PRKG1: variants seen among roughly 807,000 people sequenced by gnomAD.
PRKG1 encodes cGMP-dependent protein kinase 1.
Under a neutral mutation model 88.1 loss-of-function variants are expected in PRKG1, and 35 were observed. The observed-to-expected ratio is 0.40, with a 90% CI of 0.30 to 0.53. The LOEUF (loss-of-function observed/expected upper bound fraction) is 0.53. Ranked by LOEUF, PRKG1 falls within the 20% of genes least tolerant of loss-of-function variation. The pLI is 0.59. For missense variants in PRKG1, 540 were observed against 839.8 expected, an observed-to-expected ratio of 0.64 and a Z score of 4.41; for synonymous variants, 303 against 292.5, an observed-to-expected ratio of 1.04 and a Z score of -0.37.
chr10:52,131,141 G>T (rs1837244323), intron 7 of PRKG1, among the ~76,000 whole-genome samples: 1 of 152,010 alleles, frequency 6.6e-6, no homozygotes. Flanking sequence ...CCTACCCCAG[G>T]GTTCAGAAGT....
intron 3 of PRKG1, among the ~76,000 whole-genome samples, chr10:51,656,542 T>C (rs1397831141): frequency 6.6e-6 from 1 of 152,130 alleles, no homozygotes; most frequent in African/African-American, 2.4e-5. Context: ...TACCCTAAAC[T>C]GATTCTTTCA....
intron 2 of PRKG1, among the ~76,000 whole-genome samples, chr10:51,205,139 T>TC (rs1564637511): frequency 5.5e-5 from 6 of 108,538 alleles, no homozygotes; most frequent in Non-Finnish European, 1.1e-4. Context: ...TTTTTTTTTT[T>TC]TTTTTTTTTT....
At chr10:52,078,359 G>C (rs1045481119) in intron 7 of PRKG1, among the ~76,000 whole-genome samples, 1 of 152,242 alleles carries the variant, frequency 6.6e-6, no homozygotes, top group African/African-American at 2.4e-5. Flanking sequence ...ATGGGGGAAA[G>C]ATAAATGTAT....
intron 3 of PRKG1, among the ~76,000 whole-genome samples, chr10:51,677,500 G>T (rs2132360668): frequency 6.6e-6 from 1 of 152,300 alleles, no homozygotes; most frequent in African/African-American, 2.4e-5. Flanking sequence ...TTGTTTTAAA[G>T]AAGTTATAAT....
intron 2 of PRKG1, among the ~76,000 whole-genome samples, chr10:51,457,636 T>C (rs886484754): frequency 6.6e-6 from 1 of 152,210 alleles, no homozygotes; most frequent in Non-Finnish European, 1.5e-5. Flanking sequence ...GACAGACTTC[T>C]TTCACTTAGC....
intron 2 of PRKG1, among the ~76,000 whole-genome samples, chr10:51,266,977 C>T (rs943459354): frequency 1.3e-5 from 2 of 152,044 alleles, no homozygotes; most frequent in Non-Finnish European, 2.9e-5. Context: ...TTCTTAGGAG[C>T]GACATTTAAA....
intron 2 of PRKG1, among the ~76,000 whole-genome samples, chr10:51,398,987 C>G (rs1352935541): frequency 6.6e-6 from 1 of 152,198 alleles, no homozygotes; most frequent in Non-Finnish European, 1.5e-5. Context: ...GCCTTGGATT[C>G]AGACTGCAAC....
At chr10:52,078,656 AG>A (rs1174561979) in intron 7 of PRKG1, among the ~76,000 whole-genome samples, 1 of 152,232 alleles carries the variant, frequency 6.6e-6, no homozygotes, top group African/African-American at 2.4e-5. Flanking sequence ...TCTTATTCAA[AG>A]GAAGACTGGA....
chr10:51,261,184 G>A (rs899117238), intron 2 of PRKG1, among the ~76,000 whole-genome samples: 2 of 152,144 alleles, frequency 1.3e-5, no homozygotes, highest in Non-Finnish European at 2.9e-5. Flanking sequence ...CCGATCCAAA[G>A]TTTTAGTATT....
chr10:51,351,100 A>G (rs911004565), intron 2 of PRKG1, among the ~76,000 whole-genome samples: 2 of 152,118 alleles, frequency 1.3e-5, no homozygotes, highest in African/African-American at 4.8e-5. Context: ...CATGCCTTTT[A>G]TGGCTGCATA....
intron 9 of PRKG1, among the ~76,000 whole-genome samples, chr10:52,241,107 T>C (rs996596728): frequency 6.6e-6 from 1 of 152,142 alleles, no homozygotes. Flanking sequence ...ATTTCAAACA[T>C]CCAAGACGTA....
chr10:51,899,144 G>A (rs10823846), intron 4 of PRKG1, among the ~76,000 whole-genome samples: 75,413 of 151,748 alleles, frequency 0.5, 18,952 homozygotes, highest in East Asian at 0.63. Context: ...TAGGTATTCC[G>A]TGTTTTACAT....
intron 1 of PRKG1, among the ~76,000 whole-genome samples, chr10:51,118,001 G>T (rs893480432): frequency 6.6e-6 from 1 of 152,130 alleles, no homozygotes; most frequent in African/African-American, 2.4e-5. Context: ...ATCACTAGGG[G>T]GTTTTCACTA....
In PRKG1 at chr10:51,579,938, G is replaced by A. The variant is rs149159161; in HGVS notation, c.592+112102G>A. ...GTCTTTCACTGGGAATTGGGATCTG[G>A]CAGTTACATTTTAATATATGTTTTC... On this transcript the variant is annotated intron_variant, in intron 3 of 17. Coordinates refer to ENST00000373980, the MANE Select transcript of PRKG1 (RefSeq NM_006258.4). Among the ~76,000 whole-genome samples the A allele has an allele frequency of 3.9e-3, 593 of 152,108 alleles. 3 individuals carry two copies. The highest frequency in any genetic ancestry group is 0.013 in the African/African-American group (547 of 41,516).
At chr10:51,438,850 T>A (rs938319647) in intron 2 of PRKG1, among the ~76,000 whole-genome samples, 2 of 151,898 alleles carry the variant, frequency 1.3e-5, no homozygotes, top group African/African-American at 4.8e-5. Flanking sequence ...ATTATACATG[T>A]GGAGCTGCAA....
At chr10:51,336,306 T>C (rs2132539169) in intron 2 of PRKG1, among the ~76,000 whole-genome samples, 1 of 152,218 alleles carries the variant, frequency 6.6e-6, no homozygotes, top group South Asian at 2.1e-4. Flanking sequence ...TGAGTCGACA[T>C]CATGCCTCCG....
chr10:51,827,061 T>A (rs769126167), intron 4 of PRKG1, among the ~76,000 whole-genome samples: 1 of 152,154 alleles, frequency 6.6e-6, no homozygotes, highest in Non-Finnish European at 1.5e-5. Context: ...TTATTTTAAC[T>A]TGCTTATAAA....
At chr10:51,222,122 G>C (rs1193304114) in intron 2 of PRKG1, among the ~76,000 whole-genome samples, 3 of 114,408 alleles carry the variant, frequency 2.6e-5, no homozygotes, top group South Asian at 2.6e-4. Flanking sequence ...CGTGATCCGC[G>C]CCCCCCCCCG....
intron 3 of PRKG1, among the ~76,000 whole-genome samples, chr10:51,507,308 TA>T (rs1484290917): frequency 1.3e-5 from 2 of 148,480 alleles, no homozygotes; most frequent in African/African-American, 5.0e-5. Context: ...TAAAAAAAAA[TA>T]AAAATAAAAA....
Sources: gnomAD v4.1 joint callset for allele counts (sites outside exome capture counted in the v4.1 genomes callset) on GRCh38, gnomAD v4.1.1 for gene constraint, MANE v1.5 for transcripts, NCBI Gene and HGNC (gene_info 2026-07-23, HGNC 2026-07-21) for gene names.